TTC21B: variants seen among roughly 807,000 people sequenced by gnomAD.
TTC21B encodes tetratricopeptide repeat protein 21B.
In TTC21B, 127 loss-of-function variants were observed where a neutral mutation model predicts 175.1. The ratio of observed to expected loss-of-function variants is 0.73; its 90% CI spans 0.63 to 0.84. The LOEUF is 0.84. Ranked by LOEUF, TTC21B falls within the 40% of genes least tolerant of loss-of-function variation. The probability of loss-of-function intolerance (pLI) is 0.00; values close to 1 mark genes in which losing one functional copy is unlikely to be tolerated. For missense variants in TTC21B, 1,561 were observed against 1,558.3 expected (o/e 1.00, Z -0.03); for synonymous variants, 524 against 524.5 (o/e 1.00, Z 0.01).
In TTC21B at chr2:165,941,048, T is replaced by G; in HGVS notation, c.689A>C (p.Gln230Pro). The change falls in exon 6 of 29, where the codon CAG becomes CCG. Residue 230 changes from glutamine to proline, a missense_variant. By Grantham distance (76) the Gln-to-Pro change is moderately conservative. Transcript: ENST00000243344. Reference protein sequence around the residue: ...KLQLALQDWDQTVETAQRLLL... With the variant: ...KLQLALQDWDPTVETAQRLLL... The stretch of plus-strand genomic sequence containing the variant: ...TAACCTTTGTGCTGTCTCAACTGTC[T>G]GGTCCCAATCCTGCAAGGCTAGTTG... 6.2e-7 allele frequency: 1 copy of G among 1,613,998 alleles called. No homozygotes were observed. Among genetic ancestry groups the G allele is most frequent in the Non-Finnish European group, 8.5e-7 (1 of 1,179,864 alleles).
At position 165,917,462 on chromosome 2, in the gene TTC21B, T is replaced by C; in HGVS notation, c.1694A>G (p.Tyr565Cys). ...TTGTGACTGAGCTTTTATCAAATGG[T>C]ATAAAGGATAGTCTCTCACCTGAAG... ...YDFKVRDYPL[Y>C]HLIKAQSQKK... The change falls in exon 14 of 29, where the codon TAC (tyrosine) becomes TGC (cysteine). Residue 565 changes from tyrosine to cysteine, a missense_variant. Physicochemically the swap from Tyr to Cys is radical, Grantham distance 194 (BLOSUM62 -2). Transcript: ENST00000243344. The C allele has an allele frequency of 3.7e-6, 6 of 1,612,400 alleles. No individual in the cohort carries two copies. Among genetic ancestry groups the C allele is most frequent in the South Asian group, 1.1e-5 (1 of 91,042 alleles).
In TTC21B at chr2:165,943,210, C is replaced by G; in HGVS notation, c.552+9G>C. The G allele has an allele frequency of 1.2e-6, 2 of 1,613,400 alleles. No homozygotes were observed. The highest frequency in any genetic ancestry group is 1.7e-6 in the Non-Finnish European group (2 of 1,179,484). On this transcript the variant is annotated intron_variant, in intron 5 of 28. Coordinates refer to ENST00000243344, the MANE Select transcript of TTC21B (RefSeq NM_024753.5). ...GAAACATGATTTATTTACCCTAACT[C>G]CAACTCACCTTACCCAGCAGAGCAA... is the stretch of plus-strand genomic sequence containing the variant.
chr2:165,949,175 C>T (rs1387126782), intron 3 of TTC21B: 1 of 553,156 alleles, frequency 1.8e-6, no homozygotes, highest in Non-Finnish European at 3.2e-6. Flanking sequence ...ACTAATGAAA[C>T]CTCTGCCAGA....
intron 20 of TTC21B, 100 bp downstream of exon 20, chr2:165,901,622 C>G (rs1295957873): frequency 9.1e-6 from 11 of 1,205,736 alleles, no homozygotes; most frequent in Non-Finnish European, 1.3e-5. Context: ...TGCACCCTGC[C>G]TACATCTTCT....
chr2:165,949,041 A>G, intron 3 of TTC21B: 1 of 278,598 alleles, frequency 3.6e-6, no homozygotes, highest in Non-Finnish European at 6.8e-6. Context: ...TATTTGCACA[A>G]AAGTTGTAAA....
intron 1 of TTC21B, among the ~76,000 whole-genome samples, chr2:165,951,064 T>C (rs1177462500): frequency 1.3e-5 from 2 of 152,192 alleles, no homozygotes; most frequent in African/African-American, 4.8e-5. Context: ...CTTAAAAGTG[T>C]GCTCCATACC....
intron 13 of TTC21B, among the ~76,000 whole-genome samples, chr2:165,918,731 G>A (rs1387985180): frequency 6.6e-6 from 1 of 152,114 alleles, no homozygotes; most frequent in African/African-American, 2.4e-5. Flanking sequence ...ACTGAACCTA[G>A]GATTTTCCCT....
intron 24 of TTC21B, 109 bp from the exon 25 acceptor site, chr2:165,888,583 T>A (rs1007627953): frequency 5.1e-6 from 4 of 783,310 alleles, no homozygotes; most frequent in Non-Finnish European, 8.5e-6. Context: ...TTTATACTCT[T>A]TTTGTCACTC....
intron 6 of TTC21B, among the ~76,000 whole-genome samples, chr2:165,937,119 C>A (rs1263679947): frequency 6.6e-6 from 1 of 151,850 alleles, no homozygotes; most frequent in Non-Finnish European, 1.5e-5. Context: ...AATAAATGAA[C>A]TATCAAGTCA....
chr2:165,950,631 T>C (rs558474596), intron 1 of TTC21B, among the ~76,000 whole-genome samples: 24 of 152,246 alleles, frequency 1.6e-4, no homozygotes, highest in African/African-American at 5.8e-4. Context: ...TTGTTTTGTT[T>C]TGTTTTGGAG....
chr2:165,917,429 ATTTTC>A lies in TTC21B; in HGVS notation c.1722_1726del (p.Lys574AsnfsTer9). ...TTTAATTGCGTCTGCTATTTCTCCCATTTTCTTTTGTGACTGAGCTTTTATCAAAT... is the reference window on the plus strand; with the variant it reads ...TTTAATTGCGTCTGCTATTTCTCCCATTTTGTGACTGAGCTTTTATCAAAT... On this transcript the variant is annotated frameshift_variant, in exon 14 of 29. Transcript: ENST00000243344. LOFTEE classifies it high-confidence loss of function. The A allele has an allele frequency of 6.2e-7, 1 of 1,613,940 alleles. No individual in the cohort carries two copies.
chr2:165,931,814 T>C lies in TTC21B; in HGVS notation c.838A>G (p.Met280Val), dbSNP rs112868646. The change falls in exon 8 of 29, where the codon ATG becomes GTG. Residue 280 changes from methionine (M) to valine (V), a missense_variant. By Grantham distance (21) the Met-to-Val change is conservative (BLOSUM62 1). Transcript: ENST00000243344. ...LENLGNTLDA[M>V]EPQNAQLFYN... ...AAAAGTTGAGCATTCTGTGGTTCCA[T>C]GGCATCCAATGTATTTCCCAAGTTT... 2.2e-3 allele frequency: 3,488 copies of C among 1,613,616 alleles called. 79 individuals carry two copies. The African/African-American group carries it at 0.041, about 19-fold the overall frequency.
chr2:165,946,207 C>T (rs1459433126), intron 3 of TTC21B, among the ~76,000 whole-genome samples: 4 of 150,060 alleles, frequency 2.7e-5, no homozygotes, highest in Admixed American at 2.7e-4. Context: ...GGCGTGATAG[C>T]GTGCACCTGT....
intron 26 of TTC21B, among the ~76,000 whole-genome samples, chr2:165,881,565 T>C (rs1684836194): frequency 6.6e-6 from 1 of 152,098 alleles, no homozygotes; most frequent in East Asian, 1.9e-4. Context: ...ACAACGCAGG[T>C]TAATTGACTG....
At chr2:165,953,651 G>GCCCGCTCGCCCGCTCA (rs1687831405) in intron 1 of TTC21B, 34 bp downstream of exon 1, 13 of 1,512,072 alleles carry the variant, frequency 8.6e-6, no homozygotes, top group South Asian at 4.8e-5. Flanking sequence ...CCGCCCGCCC[G>GCCCGCTCGCCCGCTCA]CCCGCTCACC....
At chr2:165,891,992 G>A (rs1277427575) in intron 22 of TTC21B, among the ~76,000 whole-genome samples, 1 of 152,018 alleles carries the variant, frequency 6.6e-6, no homozygotes, top group East Asian at 1.9e-4. Context: ...GATCGGTTTT[G>A]ATTGGTTTTA....
intron 11 of TTC21B, among the ~76,000 whole-genome samples, chr2:165,925,293 T>C (rs1559063189): frequency 6.6e-6 from 1 of 152,212 alleles, no homozygotes. Flanking sequence ...ATAATTAAAG[T>C]GATACTAGAA....
chr2:165,880,575 C>G, intron 27 of TTC21B, 104 bp downstream of exon 27: 1 of 1,224,758 alleles, frequency 8.2e-7, no homozygotes, highest in Non-Finnish European at 1.2e-6. Context: ...TGAAAATTGA[C>G]TCAATGTTTA....
chr2:165,905,214 T>C (rs1038174900), intron 19 of TTC21B, among the ~76,000 whole-genome samples: 1 of 151,570 alleles, frequency 6.6e-6, no homozygotes, highest in East Asian at 1.9e-4. Context: ...CGAAAAATAA[T>C]AAAAGGAGGT....
Sources: allele counts gnomAD v4.1 joint callset (sites outside exome capture counted in the v4.1 genomes callset), GRCh38; gene constraint gnomAD v4.1.1; transcripts MANE v1.5; gene names NCBI Gene and HGNC (gene_info 2026-07-23, HGNC 2026-07-21).